PTPRS: variants seen among roughly 807,000 people sequenced by gnomAD.
PTPRS encodes the protein protein tyrosine phosphatase receptor type S, also known as receptor-type tyrosine-protein phosphatase S.
Under a neutral mutation model 215.3 loss-of-function variants are expected in PTPRS, and 63 were observed. The ratio of observed to expected loss-of-function variants is 0.29; its 90% confidence interval spans 0.24 to 0.36. The LOEUF (loss-of-function observed/expected upper bound fraction) is 0.36. Among genes scored for constraint, PTPRS ranks in the 10% least tolerant of loss-of-function variants. PTPRS has a pLI of 1.00. For missense variants in PTPRS, 2,258 were observed against 2,825.8 expected, an observed-to-expected ratio of 0.80 and a Z score of 4.56; for synonymous variants, 1,404 against 1,191.4, an observed-to-expected ratio of 1.18 and a Z score of -3.68.
intron 17 of PTPRS, among the ~76,000 whole-genome samples, chr19:5,224,439 T>C (rs565579787): frequency 6.6e-6 from 1 of 152,342 alleles, no homozygotes; most frequent in African/African-American, 2.4e-5. Flanking sequence ...TGCAGGCACC[T>C]GACCAATACC....
chr19:5,335,008 G>A (rs1270726339), intron 1 of PTPRS, among the ~76,000 whole-genome samples: 1 of 152,190 alleles, frequency 6.6e-6, no homozygotes, highest in Non-Finnish European at 1.5e-5. Context: ...TTAATTATAA[G>A]CGGCATTAAA....
intron 37 of PTPRS, 142 bp downstream of exon 37, chr19:5,207,780 C>A (rs938070066): frequency 2.5e-6 from 3 of 1,217,104 alleles, no homozygotes; most frequent in Admixed American, 4.4e-5. Flanking sequence ...CCTTCCAGTG[C>A]GGGAGGGGTC....
chr19:5,243,231 AAGTGATTCTCCT>A (rs1298094665), intron 11 of PTPRS, among the ~76,000 whole-genome samples: 1 of 151,636 alleles, frequency 6.6e-6, no homozygotes. Flanking sequence ...GCCCAGGTTC[AAGTGATTCTCCT>A]GCCTCAGCCT....
chr19:5,313,311 A>G (rs2049768461), intron 1 of PTPRS, among the ~76,000 whole-genome samples: 1 of 152,180 alleles, frequency 6.6e-6, no homozygotes, highest in Non-Finnish European at 1.5e-5. Context: ...GAGATGCTCA[A>G]GGGCAAAGTG....
At chr19:5,312,377 A>G (rs1364188364) in intron 1 of PTPRS, among the ~76,000 whole-genome samples, 4 of 152,152 alleles carry the variant, frequency 2.6e-5, no homozygotes, top group Admixed American at 2.6e-4. Flanking sequence ...TAATAGCAGC[A>G]GGGCCAGGCA....
rs1600056941 is a variant in PTPRS, at chr19:5,295,424, G to A, written c.-94-9190C>T. Reference sequence around the variant, plus strand: ...CACAGTGGTGACTGCAGTTGGCAGGGGACACAGCCACCCCCGAGGGGCTGG... The same window carrying A: ...CACAGTGGTGACTGCAGTTGGCAGGAGACACAGCCACCCCCGAGGGGCTGG... On this transcript the variant is annotated intron_variant, in intron 1 of 37. Coordinates refer to ENST00000262963, the MANE Select transcript of PTPRS (RefSeq NM_002850.4). The surrounding 1 kb of genome is among the most constrained non-coding windows in gnomAD (Gnocchi z 4.6). Among the ~76,000 whole-genome samples the A allele has an allele frequency of 2.6e-5, 4 of 152,288 alleles. No individual in the cohort carries two copies. The highest frequency in any genetic ancestry group is 2.6e-4 in the Admixed American group (4 of 15,300).
chr19:5,280,081 G>C (rs572961370), intron 2 of PTPRS, among the ~76,000 whole-genome samples: 1 of 152,252 alleles, frequency 6.6e-6, no homozygotes, highest in Non-Finnish European at 1.5e-5. Context: ...TTTGGGGTCT[G>C]AGGAGAGGCT....
At chr19:5,282,810 A>G (rs1312214390) in intron 2 of PTPRS, among the ~76,000 whole-genome samples, 2 of 151,924 alleles carry the variant, frequency 1.3e-5, no homozygotes, top group Non-Finnish European at 2.9e-5. Context: ...AAAAAAAAAA[A>G]AAAGAAGGGA....
At chr19:5,251,589 T>C (rs1339195700) in intron 9 of PTPRS, among the ~76,000 whole-genome samples, 2 of 151,564 alleles carry the variant, frequency 1.3e-5, no homozygotes, top group Non-Finnish European at 2.9e-5. Context: ...AATCTAATAT[T>C]CCCCTCACAA....
intron 1 of PTPRS, among the ~76,000 whole-genome samples, chr19:5,335,521 CAGGCAGGTGAGATCTGGGAGAAAA>C (rs2050467066): frequency 6.6e-6 from 1 of 152,146 alleles, no homozygotes; most frequent in South Asian, 2.1e-4. Context: ...GGAAGGCAGG[CAGGCAGGTGAGATCTGGGAGAAAA>C]AGGGGAATTT....
At chr19:5,326,086 C>T (rs1292156317) in intron 1 of PTPRS, among the ~76,000 whole-genome samples, 1 of 152,156 alleles carries the variant, frequency 6.6e-6, no homozygotes, top group Non-Finnish European at 1.5e-5. Context: ...CAAAAATTAG[C>T]CGTATGTGGT....
In PTPRS at chr19:5,232,200, A is replaced by G. The variant is rs141041837; in HGVS notation, c.1850-585T>C. 7.9e-5 allele frequency among the ~76,000 whole-genome samples: 12 copies of G among 152,118 alleles called. No homozygotes were observed. In the East Asian group the frequency reaches 2.3e-3, roughly 30 times the overall value. On this transcript the variant is annotated intron_variant, in intron 13 of 37. Coordinates refer to ENST00000262963, the MANE Select transcript of PTPRS (RefSeq NM_002850.4). ...TTCACAAAATAATAGTAAAATATCT[A>G]TTTACTGAACACCTACTATGTGCCA...
chr19:5,312,892 T>G lies in PTPRS; in HGVS notation c.-94-26658A>C, dbSNP rs556452626. 9.9e-5 allele frequency among the ~76,000 whole-genome samples: 15 copies of G among 152,248 alleles called. No individual in the cohort carries two copies. The East Asian group carries it at 2.1e-3, about 22-fold the overall frequency. On this transcript the variant is annotated intron_variant, in intron 1 of 37. Transcript: ENST00000262963. The stretch of plus-strand genomic sequence containing the variant: ...GCAGAGGGGGGACATGAGTCCAGGC[T>G]GCTGAGCCCCAAAACCTGGCCTAGG...
chr19:5,260,162 T>C (rs183538594), intron 7 of PTPRS, among the ~76,000 whole-genome samples: 121 of 151,660 alleles, frequency 8.0e-4, no homozygotes, highest in African/African-American at 2.9e-3. Flanking sequence ...AGGCCCACTT[T>C]GCATGTTCGT....
intron 5 of PTPRS, among the ~76,000 whole-genome samples, chr19:5,263,475 C>T (rs1312840817): frequency 6.6e-6 from 1 of 151,498 alleles, no homozygotes; most frequent in Non-Finnish European, 1.5e-5. Flanking sequence ...GGGGATGATT[C>T]GGGGAGGTAC....
rs939062665 is a variant in PTPRS at position 5,294,998 on chromosome 19, T to C, written c.-94-8764A>G. Among the ~76,000 whole-genome samples the C allele has an allele frequency of 1.3e-5, 2 of 152,260 alleles. No homozygotes were observed. Among genetic ancestry groups the C allele is most frequent in the East Asian group, 1.9e-4 (1 of 5,182 alleles). On this transcript the variant is annotated intron_variant, in intron 1 of 37. Transcript: ENST00000262963. This position sits in a 1 kb window ranked among gnomAD's most constrained non-coding sequence, Gnocchi z 5.1. ...GCACACAGGAGGTTCCCTGTGTCAA[T>C]GTAGGCGTAGGAGCAACCAGCGTGA... is the stretch of plus-strand genomic sequence containing the variant.
At chr19:5,265,261 G>A (rs1233738908) in intron 4 of PTPRS, 65 bp from the exon 5 acceptor site, 1 of 1,453,130 alleles carries the variant, frequency 6.9e-7, no homozygotes, top group Non-Finnish European at 9.4e-7. Context: ...TCCTGAGCCT[G>A]GGGCTCAGGG....
intron 15 of PTPRS, 30 bp downstream of exon 15, chr19:5,229,461 T>TC: frequency 2.2e-6 from 3 of 1,375,398 alleles, no homozygotes; most frequent in Admixed American, 3.9e-5. Flanking sequence ...CCGGAGCCCG[T>TC]CCCCGGCCCC....
At chr19:5,260,177 TTTC>T (rs1309585038) in intron 7 of PTPRS, among the ~76,000 whole-genome samples, 47 of 149,732 alleles carry the variant, frequency 3.1e-4, no homozygotes, top group African/African-American at 1.0e-3. Flanking sequence ...GTTCGTTTTG[TTTC>T]TTTTTTTTTT....
Sources: allele counts gnomAD v4.1 joint callset (sites outside exome capture counted in the v4.1 genomes callset), GRCh38; gene constraint gnomAD v4.1.1; non-coding constraint Gnocchi (gnomAD v3.1); transcripts MANE v1.5; gene names NCBI Gene and HGNC (gene_info 2026-07-23, HGNC 2026-07-21).